ABCB1: variants seen among roughly 807,000 people sequenced by gnomAD.
ABCB1 encodes the protein ATP-dependent translocase ABCB1.
In ABCB1, 69 loss-of-function variants were observed where a neutral mutation model predicts 142.0. The observed-to-expected ratio is 0.49, with a 90% CI of 0.40 to 0.59. The LOEUF (loss-of-function observed/expected upper bound fraction) is 0.59. Among genes scored for constraint, ABCB1 ranks in the 20% least tolerant of loss-of-function variants. The pLI is 0.00. For synonymous variants in ABCB1, 532 were observed against 539.2 expected (o/e 0.99, Z 0.18); for missense variants, 1,326 against 1,554.7 (o/e 0.85, Z 2.47).
rs1160736235 is a variant in ABCB1 at position 87,547,350 on chromosome 7, CTAAAG to C, written c.1726-1331_1726-1327del. On this transcript the variant is annotated intron_variant, in intron 14 of 27. Transcript: ENST00000622132. ...GGAATTTCCCCTCAAAATTTACACC[CTAAAG>C]TATTTTAAAATATAACCTTTTAAAA... Among the ~76,000 whole-genome samples the C allele has an allele frequency of 3.9e-5, 6 of 152,060 alleles. No homozygotes were observed. In the East Asian group the frequency reaches 1.2e-3, roughly 29 times the overall value.
intron 4 of ABCB1, among the ~76,000 whole-genome samples, chr7:87,584,147 C>T (rs1484280547): frequency 6.6e-6 from 1 of 152,094 alleles, no homozygotes; most frequent in East Asian, 1.9e-4. Context: ...TCTGGCCCAG[C>T]TCATTACCTG....
chr7:87,685,085 A>G (rs948787684), intron 1 of ABCB1, among the ~76,000 whole-genome samples: 2 of 152,332 alleles, frequency 1.3e-5, no homozygotes, highest in South Asian at 2.1e-4. Context: ...AAAAAAATTG[A>G]TAAAGTGGAC....
At chr7:87,697,690 G>A (rs1371299653) in intron 1 of ABCB1, among the ~76,000 whole-genome samples, 1 of 152,152 alleles carries the variant, frequency 6.6e-6, no homozygotes, top group Non-Finnish European at 1.5e-5. Flanking sequence ...TTTGAATTTA[G>A]TATGCACTAG....
intron 1 of ABCB1, among the ~76,000 whole-genome samples, chr7:87,630,703 T>C (rs1398148491): frequency 6.6e-6 from 1 of 151,226 alleles, no homozygotes; most frequent in Non-Finnish European, 1.5e-5. Flanking sequence ...TTTTTTTTTC[T>C]TTCAAATTCT....
At chr7:87,637,674 T>G (rs1340797557) in intron 1 of ABCB1, among the ~76,000 whole-genome samples, 2 of 152,132 alleles carry the variant, frequency 1.3e-5, no homozygotes, top group Non-Finnish European at 2.9e-5. Context: ...ATTTTTATAT[T>G]ATGGTAACTG....
intron 23 of ABCB1, 121 bp downstream of exon 23, chr7:87,519,205 G>T: frequency 2.0e-6 from 2 of 997,034 alleles, no homozygotes; most frequent in Non-Finnish European, 1.5e-6. Context: ...CAGAAATGCC[G>T]ATTTAGGAAT....
rs150353706 is a variant in ABCB1, at chr7:87,511,435, T to C, written c.3283-1954A>G. Among the ~76,000 whole-genome samples the C allele has an allele frequency of 7.2e-3, 1,098 of 152,352 alleles. 14 individuals carry two copies. The highest frequency in any genetic ancestry group is 0.025 in the African/African-American group (1,026 of 41,584). ...AGACTGTTAAGTCTATTGCTTGCTT[T>C]CATTAGCGCAAAAATGTAAATGTTA... On this transcript the variant is annotated intron_variant, in intron 25 of 27. Transcript: ENST00000622132.
chr7:87,658,462 G>A (rs893735816), intron 1 of ABCB1, among the ~76,000 whole-genome samples: 1 of 152,024 alleles, frequency 6.6e-6, no homozygotes, highest in African/African-American at 2.4e-5. Flanking sequence ...AAAGAAGGTG[G>A]GACTGAAAAA....
At chr7:87,592,855 T>A (rs966068882) in intron 3 of ABCB1, among the ~76,000 whole-genome samples, 3 of 151,808 alleles carry the variant, frequency 2.0e-5, no homozygotes, top group Admixed American at 1.3e-4. Flanking sequence ...AAAATTAATG[T>A]TTCCCTAAGA....
At chr7:87,710,427 T>TA (rs1829973292) in intron 1 of ABCB1, 1 of 570,436 alleles carries the variant, frequency 1.8e-6, no homozygotes, top group Non-Finnish European at 3.1e-6. Context: ...TACCTATTTT[T>TA]ATCTACTTAA....
intron 21 of ABCB1, among the ~76,000 whole-genome samples, chr7:87,524,341 TA>T (rs764858495): frequency 7.9e-5 from 12 of 152,190 alleles, no homozygotes; most frequent in Non-Finnish European, 1.8e-4. Context: ...TTACACATTA[TA>T]AAAATGATAT....
chr7:87,664,522 C>T (rs1337860651), intron 1 of ABCB1, among the ~76,000 whole-genome samples: 1 of 151,964 alleles, frequency 6.6e-6, no homozygotes, highest in African/African-American at 2.4e-5. Flanking sequence ...AGGTGTAACT[C>T]TTGAAATGAA....
chr7:87,709,217 T>A, intron 1 of ABCB1: 3 of 984,176 alleles, frequency 3.0e-6, no homozygotes, highest in Non-Finnish European at 3.6e-6. Flanking sequence ...AGATTTTCCC[T>A]ACATTTCTTA....
chr7:87,710,441 T>A (rs1469953023), intron 1 of ABCB1: 2 of 602,508 alleles, frequency 3.3e-6, no homozygotes, highest in Non-Finnish European at 5.8e-6. Context: ...TACTTAAACA[T>A]TTTTCTTAGT....
intron 1 of ABCB1, among the ~76,000 whole-genome samples, chr7:87,677,418 A>G (rs1020604581): frequency 6.6e-6 from 1 of 152,104 alleles, no homozygotes; most frequent in Admixed American, 6.6e-5. Flanking sequence ...TATGCAAGAC[A>G]CAGAAAGACA....
intron 1 of ABCB1, among the ~76,000 whole-genome samples, chr7:87,690,282 G>A (rs1827888899): frequency 6.6e-6 from 1 of 152,016 alleles, no homozygotes; most frequent in Admixed American, 6.6e-5. Context: ...CTGTTTAGTT[G>A]ATTGCCATTG....
intron 1 of ABCB1, among the ~76,000 whole-genome samples, chr7:87,657,871 A>G (rs1824271441): frequency 6.6e-6 from 1 of 152,122 alleles, no homozygotes; most frequent in Non-Finnish European, 1.5e-5. Flanking sequence ...TTCATCCTCC[A>G]CTTGGCAGTA....
At chr7:87,674,639 G>A (rs1826144139) in intron 1 of ABCB1, among the ~76,000 whole-genome samples, 1 of 152,088 alleles carries the variant, frequency 6.6e-6, no homozygotes, top group African/African-American at 2.4e-5. Flanking sequence ...GGGCTAGCAT[G>A]TATTGGCAGG....
rs951162366 is a variant in ABCB1, at chr7:87,710,122, G to A, written c.-331+3039C>T. Among the ~76,000 whole-genome samples, 3 of 152,150 alleles carry A rather than the reference G, an allele frequency of 2.0e-5. No individual in the cohort carries two copies. In the South Asian group the frequency reaches 6.2e-4, roughly 32 times the overall value. ...GTTGTATAAAACCTCCCACTGAAAG[G>A]ATAGGATTGAAAATTTTCTTAAATA... is the stretch of plus-strand genomic sequence containing the variant. On this transcript the variant is annotated intron_variant, in intron 1 of 28. Coordinates refer to the ABCB1 transcript ENST00000265724.
Sources: gnomAD v4.1 joint callset for allele counts (sites outside exome capture counted in the v4.1 genomes callset) on GRCh38, gnomAD v4.1.1 for gene constraint, MANE v1.5 for transcripts, NCBI Gene and HGNC (gene_info 2026-07-23, HGNC 2026-07-21) for gene names.